The following COL11A1 variants were observed in gnomAD, a reference collection of about 807,000 sequenced individuals.
COL11A1 encodes collagen type XI alpha 1 chain.
COL11A1 carries 74 observed loss-of-function variants against 265.2 expected under a neutral mutation model. The ratio of observed to expected loss-of-function variants is 0.28; its 90% confidence interval spans 0.23 to 0.34. COL11A1 has a LOEUF of 0.34. Among genes scored for constraint, COL11A1 ranks in the 10% least tolerant of loss-of-function variants. The probability of loss-of-function intolerance (pLI) is 1.00; values close to 1 mark genes in which losing one functional copy is unlikely to be tolerated. For missense variants in COL11A1, 2,165 were observed against 2,263.6 expected (o/e 0.96, Z 0.88); for synonymous variants, 816 against 727.6 (o/e 1.12, Z -1.96).
intron 57 of COL11A1, among the ~76,000 whole-genome samples, chr1:102,893,860 C>T (rs964437061): frequency 6.6e-6 from 1 of 152,076 alleles, no homozygotes; most frequent in East Asian, 1.9e-4. Flanking sequence ...CCATATCACC[C>T]TTGTCTACAG....
chr1:102,904,326 T>C (rs1037818107), intron 54 of COL11A1, among the ~76,000 whole-genome samples: 2 of 152,182 alleles, frequency 1.3e-5, no homozygotes, highest in African/African-American at 2.4e-5. Context: ...AAGGACTTCA[T>C]GTCTAAAACA....
chr1:103,037,393 CCTT>C (rs1324508641), intron 4 of COL11A1, among the ~76,000 whole-genome samples: 1 of 151,942 alleles, frequency 6.6e-6, no homozygotes, highest in East Asian at 1.9e-4. Flanking sequence ...AGATTGAACT[CCTT>C]GTCTTATGTG....
intron 14 of COL11A1, among the ~76,000 whole-genome samples, chr1:103,011,617 C>G (rs1257013407): frequency 6.6e-6 from 1 of 151,880 alleles, no homozygotes; most frequent in South Asian, 2.1e-4. Flanking sequence ...AATTTGAATA[C>G]AATAGTTTTG....
At chr1:102,954,780 G>A (rs553894248) in intron 41 of COL11A1, among the ~76,000 whole-genome samples, 1 of 151,844 alleles carries the variant, frequency 6.6e-6, no homozygotes, top group East Asian at 1.9e-4. Context: ...GGAGGCGGAG[G>A]TTGCAGTGAG....
Position 103,022,818 on chromosome 1 carries a change from T to C in COL11A1, c.1169A>G (p.Glu390Gly), listed in dbSNP as rs139480042. Reference protein sequence around the residue: ...EYDFYEYKEYEDKPTSPPNEE... With the variant: ...EYDFYEYKEYGDKPTSPPNEE... ...ATTAGGGGGGCTTGTTGGTTTATCT[T>C]CATATTCTTTATATTCATAAAAATC... The change falls in exon 8 of 67, where the codon GAA (glutamate) becomes GGA (glycine). Residue 390 changes from glutamate (E) to glycine (G), a missense_variant. By Grantham distance (98) the Glu-to-Gly change is moderately conservative. Coordinates refer to ENST00000370096, the MANE Select transcript of COL11A1 (RefSeq NM_001854.4). 4.6e-5 allele frequency: 74 copies of C among 1,613,806 alleles called. No individual in the cohort carries two copies. In the African/African-American group the frequency reaches 9.5e-4, roughly 21 times the overall value.
At chr1:102,919,806 T>C (rs1655769025) in intron 49 of COL11A1, among the ~76,000 whole-genome samples, 1 of 152,044 alleles carries the variant, frequency 6.6e-6, no homozygotes, top group African/African-American at 2.4e-5. Flanking sequence ...CAAGGATAGG[T>C]CAGAGTATTC....
Position 102,978,853 on chromosome 1 carries a change from G to A in COL11A1, c.2709+7C>T. On this transcript the variant is annotated splice_region_variant and intron_variant, in intron 34 of 66. Transcript: ENST00000370096. ...TAACATCCAAACAGAAAAAGTACAG[G>A]TGATACCTTTGGCCCAGGTTTCCCA... 1 of 1,614,120 alleles carries A rather than the reference G, an allele frequency of 6.2e-7. No homozygotes were observed. The highest frequency in any genetic ancestry group is 8.5e-7 in the Non-Finnish European group (1 of 1,179,998).
intron 25 of COL11A1, among the ~76,000 whole-genome samples, chr1:102,997,892 C>T (rs1478986808): frequency 6.6e-6 from 1 of 151,886 alleles, no homozygotes; most frequent in South Asian, 2.1e-4. Context: ...TGAGGAACTT[C>T]ACCTGGACTC....
chr1:102,911,338 T>C (rs564922490), intron 54 of COL11A1, among the ~76,000 whole-genome samples: 1 of 152,270 alleles, frequency 6.6e-6, no homozygotes, highest in South Asian at 2.1e-4. Flanking sequence ...GTGAGGATAT[T>C]CAGTGTGAAA....
At position 102,995,892 on chromosome 1, in the gene COL11A1, CT is replaced by C; in HGVS notation, c.2311del (p.Arg771GlufsTer24). ...PRGVKGADGV[R>X]GLKGSKGEKG... ...TTCACCTTTAGATCCCTTGAGACCT[CT>C]GACACCATCTGCTCCCTGTGGAATA... is the stretch of plus-strand genomic sequence containing the variant. On this transcript the variant is annotated frameshift_variant, in exon 28 of 67. Transcript: ENST00000370096. LOFTEE classifies it high-confidence loss of function. 1 of 1,611,638 alleles carries C rather than the reference CT, an allele frequency of 6.2e-7. No homozygotes were observed. The highest frequency in any genetic ancestry group is 8.5e-7 in the Non-Finnish European group (1 of 1,178,862).
intron 1 of COL11A1, among the ~76,000 whole-genome samples, chr1:103,105,217 G>A (rs1674601038): frequency 6.6e-6 from 1 of 151,844 alleles, no homozygotes. Context: ...TGAATAGTAA[G>A]TAATGGACTA....
intron 35 of COL11A1, 122 bp from the exon 36 acceptor site, chr1:102,975,005 C>T: frequency 1.3e-6 from 1 of 758,064 alleles, no homozygotes; most frequent in Non-Finnish European, 2.3e-6. Flanking sequence ...ATCACAGTGA[C>T]AGAACTATGG....
intron 36 of COL11A1, among the ~76,000 whole-genome samples, chr1:102,970,763 C>T (rs1661891762): frequency 6.6e-6 from 1 of 152,052 alleles, no homozygotes; most frequent in Non-Finnish European, 1.5e-5. Flanking sequence ...CACCTGTAAT[C>T]CCAGCACTTT....
chr1:103,091,064 G>A (rs1673278159), intron 1 of COL11A1, among the ~76,000 whole-genome samples: 1 of 152,002 alleles, frequency 6.6e-6, no homozygotes. Context: ...CCCCCTAGTA[G>A]TACAAATGGA....
At chr1:102,961,948 T>G in intron 40 of COL11A1, 29 bp from the exon 41 acceptor site, 1 of 1,590,080 alleles carries the variant, frequency 6.3e-7, no homozygotes. Context: ...ATAAAGAAAA[T>G]GAATCCATAT....
At chr1:102,960,561 T>A (rs1660803537) in intron 41 of COL11A1, among the ~76,000 whole-genome samples, 1 of 152,050 alleles carries the variant, frequency 6.6e-6, no homozygotes, top group Non-Finnish European at 1.5e-5. Context: ...GATTTAACAT[T>A]TAAGAGTTAT....
At chr1:102,960,477 GGT>G (rs67908045) in intron 41 of COL11A1, among the ~76,000 whole-genome samples, 86,132 of 141,450 alleles carry the variant, frequency 0.61, 27,598 homozygotes, top group East Asian at 0.89. Context: ...AAGGTCACTG[GGT>G]GTGTGTGTGG....
chr1:102,969,491 AT>A (rs1402080991), intron 37 of COL11A1, among the ~76,000 whole-genome samples: 2 of 152,190 alleles, frequency 1.3e-5, no homozygotes, highest in African/African-American at 2.4e-5. Context: ...ATGATTTCTG[AT>A]TAGAATGACA....
chr1:103,028,072 C>G lies in COL11A1; in HGVS notation c.781-1740G>C, dbSNP rs1156247372. Among the ~76,000 whole-genome samples, 4 of 152,200 alleles carry G rather than the reference C, an allele frequency of 2.6e-5. No homozygotes were observed. The East Asian group carries it at 7.7e-4, about 29-fold the overall frequency. Reference sequence around the variant, plus strand: ...TGAGATGGAGTCGCGCTCTGTCGCCCAGGCTGGAGTGCAAGTGGCATGATC... The same window carrying G: ...TGAGATGGAGTCGCGCTCTGTCGCCGAGGCTGGAGTGCAAGTGGCATGATC... On this transcript the variant is annotated intron_variant, in intron 5 of 66. Transcript: ENST00000370096.
Sources: allele counts gnomAD v4.1 joint callset (sites outside exome capture counted in the v4.1 genomes callset), GRCh38; gene constraint gnomAD v4.1.1; transcripts MANE v1.5; gene names NCBI Gene and HGNC (gene_info 2026-07-23, HGNC 2026-07-21).